Variants in NELL2 observed in about 807,000 individuals in gnomAD.
NELL2 encodes neural EGFL like 2, also known as protein kinase C-binding protein NELL2.
Under a neutral mutation model 109.6 loss-of-function variants are expected in NELL2, and 41 were observed. That is an observed-to-expected ratio of 0.37 (90% CI 0.29 to 0.49). The LOEUF is 0.49. NELL2 is among the 20% of genes least tolerant of loss of function. NELL2 has a pLI of 0.98. For synonymous variants in NELL2, 355 were observed against 344.7 expected (o/e 1.03, Z -0.33); for missense variants, 900 against 1,008.3 (o/e 0.89, Z 1.45).
intron 9 of NELL2, among the ~76,000 whole-genome samples, chr12:44,749,141 C>T (rs1271477864): frequency 3.9e-5 from 6 of 152,056 alleles, no homozygotes; most frequent in Admixed American, 3.9e-4. Context: ...ACGTAATGAC[C>T]CACTTGAAGC....
upstream of NELL2, among the ~76,000 whole-genome samples, chr12:44,914,815 G>A (rs1384340252): frequency 6.6e-6 from 1 of 151,900 alleles, no homozygotes; most frequent in Non-Finnish European, 1.5e-5. Flanking sequence ...AGTAAAAATG[G>A]CATTAAAATT....
At chr12:44,828,728 C>A (rs914245268) in intron 2 of NELL2, among the ~76,000 whole-genome samples, 3 of 151,900 alleles carry the variant, frequency 2.0e-5, no homozygotes, top group African/African-American at 7.3e-5. Context: ...GGGGTGGGGG[C>A]TACAAATAAT....
At chr12:44,715,793 C>T (rs1490044622) in intron 9 of NELL2, among the ~76,000 whole-genome samples, 1 of 152,066 alleles carries the variant, frequency 6.6e-6, no homozygotes, top group Non-Finnish European at 1.5e-5. Flanking sequence ...TTTATTTTAA[C>T]TATACAAATT....
At chr12:44,529,494 C>A (rs556397909) in intron 16 of NELL2, among the ~76,000 whole-genome samples, 1 of 151,778 alleles carries the variant, frequency 6.6e-6, no homozygotes, top group Non-Finnish European at 1.5e-5. Flanking sequence ...GATACATAGA[C>A]GGCATTTTAA....
intron 13 of NELL2, among the ~76,000 whole-genome samples, chr12:44,641,969 T>C (rs1020337707): frequency 4.6e-5 from 7 of 152,186 alleles, no homozygotes; most frequent in African/African-American, 1.7e-4. Context: ...AGTGCTGGGA[T>C]TATAGGCATA....
chr12:44,569,611 AAAGTT>A (rs999223138), intron 15 of NELL2, among the ~76,000 whole-genome samples: 3 of 152,182 alleles, frequency 2.0e-5, no homozygotes, highest in African/African-American at 7.2e-5. Context: ...AAAGATTTTA[AAAGTT>A]AAGCGTAGAC....
chr12:44,918,832 C>T (rs999170409), upstream of NELL2, among the ~76,000 whole-genome samples: 1 of 152,014 alleles, frequency 6.6e-6, no homozygotes, highest in African/African-American at 2.4e-5. Flanking sequence ...ATAGACAGTA[C>T]CTAATAGTCA....
intron 15 of NELL2, among the ~76,000 whole-genome samples, chr12:44,594,908 T>G (rs1441902029): frequency 6.6e-6 from 1 of 152,200 alleles, no homozygotes; most frequent in Admixed American, 6.5e-5. Flanking sequence ...TTAAGTTTTA[T>G]GATTTATACA....
intron 13 of NELL2, among the ~76,000 whole-genome samples, chr12:44,624,955 T>C (rs1033155708): frequency 8.2e-5 from 12 of 146,320 alleles, no homozygotes; most frequent in Non-Finnish European, 1.6e-4. Context: ...AGAAACATAA[T>C]TTTCTAAAAG....
intron 15 of NELL2, among the ~76,000 whole-genome samples, chr12:44,577,444 T>C (rs192189589): frequency 7.9e-4 from 116 of 147,456 alleles, no homozygotes; most frequent in African/African-American, 2.7e-3. Context: ...TTCTGGATAT[T>C]AGCCCTTTGT....
chr12:44,913,839 TATA>T (rs1376059568), exon 1 of NELL2: 6 of 785,086 alleles, frequency 7.6e-6, no homozygotes, highest in Admixed American at 6.5e-5. Flanking sequence ...ATAGACATTT[TATA>T]ATAATAATGT....
chr12:44,683,681 G>T (rs1330711364), intron 12 of NELL2, among the ~76,000 whole-genome samples: 1 of 150,550 alleles, frequency 6.6e-6, no homozygotes, highest in East Asian at 1.9e-4. Flanking sequence ...AGATAATCAT[G>T]TGGTTTTTGT....
intron 9 of NELL2, among the ~76,000 whole-genome samples, chr12:44,746,495 A>G (rs1484697043): frequency 6.6e-6 from 1 of 152,226 alleles, no homozygotes; most frequent in Non-Finnish European, 1.5e-5. Flanking sequence ...AGAAACTACC[A>G]TCAGAGTGAA....
upstream of NELL2, among the ~76,000 whole-genome samples, chr12:44,878,116 C>G (rs948921431): frequency 5.9e-5 from 9 of 152,066 alleles, no homozygotes; most frequent in Non-Finnish European, 1.3e-4. Context: ...CCTAACCAAC[C>G]TGTGTTCAAC....
chr12:44,780,826 A>G (rs1283115969), intron 3 of NELL2, among the ~76,000 whole-genome samples: 1 of 152,050 alleles, frequency 6.6e-6, no homozygotes, highest in African/African-American at 2.4e-5. Flanking sequence ...TTCCCCCTCA[A>G]CTGTCAACAA....
intron 9 of NELL2, among the ~76,000 whole-genome samples, chr12:44,715,846 G>A (rs1420617227): frequency 6.6e-6 from 1 of 152,048 alleles, no homozygotes; most frequent in African/African-American, 2.4e-5. Context: ...TCCACTGTGT[G>A]AATTATGAGA....
chr12:44,663,935 G>T (rs181065423), intron 13 of NELL2, among the ~76,000 whole-genome samples: 1 of 152,182 alleles, frequency 6.6e-6, no homozygotes, highest in East Asian at 1.9e-4. Context: ...AATGCACAAA[G>T]CTTTTCAAGT....
intron 2 of NELL2, among the ~76,000 whole-genome samples, chr12:44,817,865 T>G (rs561039306): frequency 2.9e-4 from 44 of 152,200 alleles, no homozygotes; most frequent in Non-Finnish European, 5.4e-4. Flanking sequence ...ACTTCCTCTC[T>G]GCTACAATTG....
At chr12:44,666,871 T>G (rs1290929661) in intron 12 of NELL2, among the ~76,000 whole-genome samples, 1 of 152,190 alleles carries the variant, frequency 6.6e-6, no homozygotes, top group Non-Finnish European at 1.5e-5. Flanking sequence ...GCCACATAGT[T>G]TCTAACCTAC....
Sources: allele counts gnomAD v4.1 joint callset (sites outside exome capture counted in the v4.1 genomes callset), GRCh38; gene constraint gnomAD v4.1.1; transcripts MANE v1.5; gene names NCBI Gene and HGNC (gene_info 2026-07-23, HGNC 2026-07-21).